Variants in CDK13 observed in about 807,000 individuals in gnomAD.
CDK13 encodes cyclin-dependent kinase 13.
In CDK13, 40 loss-of-function variants were observed where a neutral mutation model predicts 137.6. The ratio of observed to expected loss-of-function variants is 0.29; its 90% CI spans 0.23 to 0.38. CDK13 has a LOEUF of 0.38. Among genes scored for constraint, CDK13 ranks in the 10% least tolerant of loss-of-function variants. CDK13 has a pLI of 1.00. For synonymous variants in CDK13, 869 were observed against 760.1 expected, an observed-to-expected ratio of 1.14 and a Z score of -2.36; for missense variants, 1,704 against 1,951.8, an observed-to-expected ratio of 0.87 and a Z score of 2.39.
rs531549655 is a variant in CDK13 at position 40,067,483 on chromosome 7, G to A, written c.2780+4383G>A. 8 of 152,246 alleles carry A rather than the reference G, an allele frequency of 5.3e-5. No homozygotes were observed. The South Asian group carries it at 8.3e-4, about 16-fold the overall frequency. 9.4% of individuals were successfully genotyped at this position (152,246 alleles called of 1,614,324 possible). A position where few individuals can be genotyped will look rare whatever the true frequency, so the allele number is the denominator to read the frequency against. ...TGCTTGAACCTGGGAGGCAGAGGTTGCAGTCAGCCAAGATCGCACCACTCC... is the reference window on the plus strand; with the variant it reads ...TGCTTGAACCTGGGAGGCAGAGGTTACAGTCAGCCAAGATCGCACCACTCC... On this transcript the variant is annotated intron_variant, in intron 9 of 13. Coordinates refer to ENST00000181839, the MANE Select transcript of CDK13 (RefSeq NM_003718.5).
chr7:40,039,925 A>G (rs1785568418), intron 5 of CDK13, among the ~76,000 whole-genome samples: 1 of 146,872 alleles, frequency 6.8e-6, no homozygotes, highest in Non-Finnish European at 1.5e-5. Flanking sequence ...CTTTTTTTCT[A>G]CTCTTAGGTT....
chr7:40,090,592 T>A (rs1005106272), intron 12 of CDK13, among the ~76,000 whole-genome samples: 1 of 152,070 alleles, frequency 6.6e-6, no homozygotes, highest in Non-Finnish European at 1.5e-5. Flanking sequence ...GACCTTGAGT[T>A]ATCTATAAAT....
rs1291304617 is a variant in CDK13, at chr7:40,035,369, A to G, written c.2354-10467A>G. Among the ~76,000 whole-genome samples, 6 of 151,978 alleles carry G rather than the reference A, an allele frequency of 3.9e-5. No individual in the cohort carries two copies. In the East Asian group the frequency reaches 1.2e-3, roughly 29 times the overall value. ...GGTACTGGTCTGTGGCTGGTTAGGA[A>G]CTGGGCCGCACAGTAGGAGGTGAGT... On this transcript the variant is annotated intron_variant, in intron 5 of 13. Transcript: ENST00000181839.
At chr7:39,974,058 G>A (rs989162380) in intron 1 of CDK13, among the ~76,000 whole-genome samples, 41 of 152,128 alleles carry the variant, frequency 2.7e-4, no homozygotes, top group African/African-American at 9.7e-4. Context: ...TGTTTTGACT[G>A]TTTGGGTTCT....
intron 7 of CDK13, 162 bp from the exon 8 acceptor site, chr7:40,062,664 T>A (rs1786181081): frequency 1.5e-6 from 1 of 650,092 alleles, no homozygotes; most frequent in South Asian, 1.9e-5. Flanking sequence ...CATTTTATGA[T>A]CTTATATTAG....
chr7:39,966,727 C>T (rs572058955), intron 1 of CDK13, among the ~76,000 whole-genome samples: 124 of 152,176 alleles, frequency 8.1e-4, no homozygotes, highest in African/African-American at 2.9e-3. Context: ...CTCTGTTTTT[C>T]CCCATCTTTG....
intron 5 of CDK13, among the ~76,000 whole-genome samples, chr7:40,042,477 C>CTTTTTTTTTTTTTT (rs5883713): frequency 7.4e-4 from 56 of 76,106 alleles, no homozygotes; most frequent in Non-Finnish European, 8.3e-4. Flanking sequence ...TCTTTTCTTT[C>CTTTTTTTTTTTTTT]TTTTTTTTTT....
chr7:40,043,361 A>G (rs887100346), intron 5 of CDK13, among the ~76,000 whole-genome samples: 7 of 152,158 alleles, frequency 4.6e-5, no homozygotes, highest in African/African-American at 1.4e-4. Flanking sequence ...CACAGGTCAG[A>G]TTAATTTCTA....
At chr7:40,003,206 A>ACACTCTCTCT (rs374470130) in intron 5 of CDK13, among the ~76,000 whole-genome samples, 82 of 79,898 alleles carry the variant, frequency 1.0e-3, no homozygotes, top group African/African-American at 3.7e-3. Context: ...ACACACACAC[A>ACACTCTCTCT]CTCTCTCTCT....
chr7:39,965,185 C>T (rs914214434), intron 1 of CDK13, among the ~76,000 whole-genome samples: 1 of 152,120 alleles, frequency 6.6e-6, no homozygotes, highest in Non-Finnish European at 1.5e-5. Context: ...TCCTTGTTAA[C>T]TTTCTGTCTC....
At chr7:40,054,549 G>A (rs923993788) in intron 7 of CDK13, among the ~76,000 whole-genome samples, 2 of 151,948 alleles carry the variant, frequency 1.3e-5, no homozygotes, top group African/African-American at 2.4e-5. Flanking sequence ...TCCTGCCTCA[G>A]TCTCCCAAGT....
chr7:39,968,523 C>G (rs1783921727), intron 1 of CDK13, among the ~76,000 whole-genome samples: 1 of 152,210 alleles, frequency 6.6e-6, no homozygotes. Context: ...CAGACATGCA[C>G]CACTGTGCCT....
intron 4 of CDK13, among the ~76,000 whole-genome samples, chr7:40,000,734 A>G (rs1002057608): frequency 6.6e-6 from 1 of 152,228 alleles, no homozygotes; most frequent in Non-Finnish European, 1.5e-5. Context: ...CTCATACACA[A>G]TATAGAAGGC....
intron 1 of CDK13, chr7:39,986,680 TGAAAAGTATCA>T (rs775665851): frequency 2.0e-5 from 3 of 152,214 alleles, no homozygotes; most frequent in Non-Finnish European, 4.4e-5. Flanking sequence ...TCATTCATTT[TGAAAAGTATCA>T]GAGCCTCAGA....
At chr7:39,992,070 TACACACACACACACACACACACAC>T (rs148046155) in intron 2 of CDK13, among the ~76,000 whole-genome samples, 1 of 146,982 alleles carries the variant, frequency 6.8e-6, no homozygotes, top group Non-Finnish European at 1.5e-5. Flanking sequence ...GAAAAAATTA[TACACACACACACACACACACACAC>T]ACACACACAC....
intron 5 of CDK13, among the ~76,000 whole-genome samples, chr7:40,015,536 G>A (rs1784986616): frequency 6.6e-6 from 1 of 152,124 alleles, no homozygotes; most frequent in African/African-American, 2.4e-5. Flanking sequence ...GCATGTGAAG[G>A]ACTTCACATA....
chr7:40,022,017 C>T (rs1785136958), intron 5 of CDK13, among the ~76,000 whole-genome samples: 1 of 152,182 alleles, frequency 6.6e-6, no homozygotes. Context: ...CTTTATATTC[C>T]TACCACCTTT....
At chr7:40,046,157 A>G in intron 6 of CDK13, 132 bp downstream of exon 6, 1 of 583,506 alleles carries the variant, frequency 1.7e-6, no homozygotes, top group Non-Finnish European at 3.0e-6. Flanking sequence ...TATTAGGTAC[A>G]GTGTCCAACG....
chr7:39,975,568 T>C (rs1784087143), intron 1 of CDK13, among the ~76,000 whole-genome samples: 1 of 152,238 alleles, frequency 6.6e-6, no homozygotes, highest in Admixed American at 6.5e-5. Flanking sequence ...GTTTCTCATA[T>C]ACCATGTGTA....
Sources: allele counts gnomAD v4.1 joint callset (sites outside exome capture counted in the v4.1 genomes callset), GRCh38; gene constraint gnomAD v4.1.1; transcripts MANE v1.5; gene names NCBI Gene and HGNC (gene_info 2026-07-23, HGNC 2026-07-21).